Variants in RGS3 observed in about 807,000 individuals in gnomAD.
RGS3 encodes the protein regulator of G protein signaling 3.
Under a neutral mutation model 132.6 loss-of-function variants are expected in RGS3, and 80 were observed. That is an observed-to-expected ratio of 0.60 (90% CI 0.50 to 0.73). RGS3 has a LOEUF of 0.73. RGS3 is among the 30% of genes least tolerant of loss of function. RGS3 has a pLI of 0.00. For missense variants in RGS3, 1,382 were observed against 1,530.8 expected (o/e 0.90, Z 1.62); for synonymous variants, 598 against 620.6 (o/e 0.96, Z 0.54).
chr9:113,501,419 G>A (rs1830885971), intron 10 of RGS3: 1 of 1,465,710 alleles, frequency 6.8e-7, no homozygotes, highest in Non-Finnish European at 9.0e-7. Context: ...ACACAGCACA[G>A]ACAGGGCTTG....
intron 19 of RGS3, among the ~76,000 whole-genome samples, chr9:113,551,201 T>G (rs1833324312): frequency 6.6e-6 from 1 of 152,250 alleles, no homozygotes; most frequent in Non-Finnish European, 1.5e-5. Flanking sequence ...TATTGGACAT[T>G]TCATATAAAG....
At chr9:113,508,720 T>C in intron 14 of RGS3, 140 bp downstream of exon 12, 1 of 767,626 alleles carries the variant, frequency 1.3e-6, no homozygotes, top group Non-Finnish European at 2.2e-6. Flanking sequence ...ACAGACTCTC[T>C]TTCCACGTGG....
intron 20 of RGS3, among the ~76,000 whole-genome samples, chr9:113,585,387 C>A (rs1835067178): frequency 6.6e-6 from 1 of 152,386 alleles, no homozygotes; most frequent in East Asian, 1.9e-4. Flanking sequence ...TGCCTGATAA[C>A]ACTAGCCGCT....
intron 14 of RGS3, among the ~76,000 whole-genome samples, chr9:113,509,830 T>A (rs1369435442): frequency 6.6e-6 from 1 of 152,156 alleles, no homozygotes; most frequent in East Asian, 1.9e-4. Context: ...GGAAGACATC[T>A]TCTTTCTCTC....
intron 19 of RGS3, among the ~76,000 whole-genome samples, chr9:113,560,696 C>T (rs1833748446): frequency 6.6e-6 from 1 of 152,216 alleles, no homozygotes; most frequent in Non-Finnish European, 1.5e-5. Context: ...TCTCTAGACT[C>T]CCAAACCAGG....
exon 25 of RGS3, chr9:113,597,113 G>C: frequency 6.3e-6 from 4 of 632,332 alleles, no homozygotes; most frequent in Non-Finnish European, 1.1e-5. Flanking sequence ...ACCAAGAGAG[G>C]CCCAGGCTAC....
chr9:113,578,510 T>C (rs1178167215), intron 19 of RGS3, among the ~76,000 whole-genome samples: 1 of 152,144 alleles, frequency 6.6e-6, no homozygotes, highest in African/African-American at 2.4e-5. Context: ...AAACCTGCTG[T>C]GTTGGAGACA....
chr9:113,526,410 T>C (rs755010998), intron 17 of RGS3, among the ~76,000 whole-genome samples: 7 of 152,196 alleles, frequency 4.6e-5, no homozygotes, highest in Non-Finnish European at 8.8e-5. Context: ...CCTGGTGGAA[T>C]GCAGACGAGT....
chr9:113,476,347 C>G (rs755480836), intron 3 of RGS3, among the ~76,000 whole-genome samples: 6 of 152,104 alleles, frequency 3.9e-5, no homozygotes, highest in African/African-American at 1.4e-4. Context: ...CAGGCATGAC[C>G]GTTCTGGCTA....
intron 17 of RGS3, among the ~76,000 whole-genome samples, chr9:113,526,042 G>A (rs986308304): frequency 2.0e-5 from 3 of 152,222 alleles, no homozygotes; most frequent in East Asian, 1.9e-4. Flanking sequence ...GAACATCTCC[G>A]GTCAGCCGGG....
chr9:113,472,532 G>C (rs955915982), intron 3 of RGS3, among the ~76,000 whole-genome samples: 3 of 152,166 alleles, frequency 2.0e-5, no homozygotes, highest in Non-Finnish European at 4.4e-5. Context: ...AAGACCATGC[G>C]TTGTGTGATT....
rs531525299 is a variant in RGS3, at chr9:113,559,417, C to G, written c.2037+22499C>G. 1.8e-4 allele frequency among the ~76,000 whole-genome samples: 28 copies of G among 152,192 alleles called. 1 individual carries two copies. Among genetic ancestry groups the G allele is most frequent in the Admixed American group, 1.0e-3 (16 of 15,266 alleles). ...TGATACTGCTGAGGTGACTGCAAGG[C>G]GTGCCCCAGGATGGAGGCAGAAGCC... On this transcript the variant is annotated intron_variant, in intron 19 of 24. Coordinates refer to ENST00000350696, the Ensembl canonical transcript of RGS3.
chr9:113,514,754 A>G (rs1831569495), intron 15 of RGS3, 100 bp downstream of exon 13: 2 of 1,161,838 alleles, frequency 1.7e-6, no homozygotes, highest in South Asian at 3.0e-5. Flanking sequence ...CCCAGGACTG[A>G]GGGCCCTGTT....
At chr9:113,521,212 T>A (rs973244145) in intron 16 of RGS3, among the ~76,000 whole-genome samples, 1 of 152,184 alleles carries the variant, frequency 6.6e-6, no homozygotes, top group Non-Finnish European at 1.5e-5. Context: ...TTGGGCCCCA[T>A]TGGAGAAGCC....
intron 4 of RGS3, among the ~76,000 whole-genome samples, chr9:113,482,727 A>G (rs936622134): frequency 3.9e-5 from 6 of 152,150 alleles, no homozygotes; most frequent in Admixed American, 6.5e-5. Flanking sequence ...CATTTTCCCC[A>G]TTACATGAAG....
chr9:113,484,611 C>A (rs976261697), intron 6 of RGS3, among the ~76,000 whole-genome samples: 2 of 152,196 alleles, frequency 1.3e-5, no homozygotes, highest in Non-Finnish European at 1.5e-5. Flanking sequence ...TCCCTGCCCC[C>A]CTTTTTACTT....
rs972653061 is a variant in RGS3, at chr9:113,576,551, C to T, written c.2038-6899C>T. Among the ~76,000 whole-genome samples, 10 of 152,100 alleles carry T rather than the reference C, an allele frequency of 6.6e-5. No homozygotes were observed. The South Asian group carries it at 8.3e-4, about 13-fold the overall frequency. ...TTCACCATGTTGGCCAGTATGGTCT[C>T]GATCTCCTGACCTTGTGATCTGCCC... On this transcript the variant is annotated intron_variant, in intron 19 of 24. Coordinates refer to ENST00000350696, the Ensembl canonical transcript of RGS3.
chr9:113,571,927 A>G (rs980417378), intron 19 of RGS3, among the ~76,000 whole-genome samples: 4 of 152,208 alleles, frequency 2.6e-5, no homozygotes, highest in Admixed American at 6.5e-5. Flanking sequence ...TAAATATTCA[A>G]TGTATTCAAA....
chr9:113,482,057 A>G (rs1304957863), intron 4 of RGS3, among the ~76,000 whole-genome samples: 1 of 151,692 alleles, frequency 6.6e-6, no homozygotes. Flanking sequence ...AAAAAAAAAA[A>G]AAACAAAAAA....
Sources: gnomAD v4.1 joint callset for allele counts (sites outside exome capture counted in the v4.1 genomes callset) on GRCh38, gnomAD v4.1.1 for gene constraint, MANE v1.5 for transcripts, NCBI Gene and HGNC (gene_info 2026-07-23, HGNC 2026-07-21) for gene names.